The following DCLK1 variants were observed in gnomAD, a reference collection of about 807,000 sequenced individuals.
The protein encoded by DCLK1 is doublecortin like kinase 1, also known as serine/threonine-protein kinase DCLK1.
A neutral mutation model predicts 86.2 loss-of-function variants in DCLK1; 16 were observed. The ratio of observed to expected loss-of-function variants is 0.19; its 90% CI spans 0.13 to 0.28. The LOEUF is 0.28. Among genes scored for constraint, DCLK1 ranks in the 10% least tolerant of loss-of-function variants. The pLI is 1.00. For synonymous variants in DCLK1, 369 were observed against 370.5 expected (o/e 1.00, Z 0.05); for missense variants, 590 against 940.2 (o/e 0.63, Z 4.87).
intron 3 of DCLK1, among the ~76,000 whole-genome samples, chr13:35,985,708 G>C (rs1879870216): frequency 6.6e-6 from 1 of 152,230 alleles, no homozygotes; most frequent in Admixed American, 6.5e-5. Flanking sequence ...GCTCAGGAGA[G>C]ACTGGCTGGG....
intron 3 of DCLK1, among the ~76,000 whole-genome samples, chr13:36,070,671 G>A (rs939914279): frequency 2.7e-5 from 4 of 150,616 alleles, no homozygotes; most frequent in Admixed American, 6.6e-5. Flanking sequence ...ATGGAGTGTC[G>A]CTCTTTGTTG....
intron 6 of DCLK1, among the ~76,000 whole-genome samples, chr13:35,840,648 C>T (rs1315866154): frequency 2.0e-5 from 3 of 152,144 alleles, no homozygotes; most frequent in African/African-American, 7.2e-5. Context: ...GTGACTTGAG[C>T]TGTTTTTCTA....
At chr13:36,082,440 G>A (rs751094875) in intron 3 of DCLK1, among the ~76,000 whole-genome samples, 1 of 152,190 alleles carries the variant, frequency 6.6e-6, no homozygotes, top group Non-Finnish European at 1.5e-5. Flanking sequence ...TAGTAATTAA[G>A]TTTTGGAAGT....
intron 3 of DCLK1, among the ~76,000 whole-genome samples, chr13:36,103,404 TA>T (rs71084406): frequency 0.23 from 25,397 of 108,938 alleles, 2,483 homozygotes; most frequent in East Asian, 0.46. Flanking sequence ...ACACCTGTCT[TA>T]AAAAAAAAAA....
At chr13:36,009,815 C>A (rs1018500745) in intron 3 of DCLK1, among the ~76,000 whole-genome samples, 29 of 109,686 alleles carry the variant, frequency 2.6e-4, no homozygotes, top group African/African-American at 1.1e-3. Flanking sequence ...TTATCTTGGG[C>A]AGTATGGCCA....
chr13:35,966,715 G>T (rs923602268), intron 3 of DCLK1, among the ~76,000 whole-genome samples: 1 of 152,000 alleles, frequency 6.6e-6, no homozygotes, highest in Non-Finnish European at 1.5e-5. Context: ...CATGTTGGCC[G>T]GGCTGGTCTC....
chr13:35,792,722 C>T (rs760181760), intron 16 of DCLK1, among the ~76,000 whole-genome samples: 6 of 152,052 alleles, frequency 3.9e-5, no homozygotes, highest in Admixed American at 2.6e-4. Context: ...CCTAGAGCTG[C>T]GATCAAATTG....
intron 5 of DCLK1, among the ~76,000 whole-genome samples, chr13:35,867,963 A>AAGAAAGAAAGAAAGGG (rs796441369): frequency 1.5e-5 from 2 of 135,156 alleles, no homozygotes; most frequent in African/African-American, 5.4e-5. Flanking sequence ...GAAAGAAAGA[A>AAGAAAGAAAGAAAGGG]AGAGAAAAAG....
At chr13:36,089,021 C>CT (rs1023928784) in intron 3 of DCLK1, among the ~76,000 whole-genome samples, 4 of 152,172 alleles carry the variant, frequency 2.6e-5, no homozygotes, top group Non-Finnish European at 1.5e-5. Context: ...TTTATTCTAT[C>CT]TTTTTTTTAA....
chr13:35,914,332 AAT>A (rs1235635206), intron 4 of DCLK1, among the ~76,000 whole-genome samples: 4,681 of 73,858 alleles, frequency 0.063, 413 homozygotes, highest in African/African-American at 0.25. Flanking sequence ...AAAAAAAAAA[AAT>A]ATATATATAT....
chr13:35,847,831 A>G, intron 6 of DCLK1: 1 of 985,240 alleles, frequency 1.0e-6, no homozygotes, highest in African/African-American at 1.7e-5. Flanking sequence ...ATGTATACAG[A>G]TGAGAGAACC....
chr13:35,828,296 C>G lies in DCLK1; in HGVS notation c.1241G>C (p.Arg414Thr). ...CTTGATAATTTTCAGAGCATACTCT[C>G]TAGCAGTCGATCTGCGAAGAGAAAG... ...VKECVERSTA[R>T]EYALKIIKKS... is the part of the protein sequence containing the mutation. Residue 414 changes from arginine (R) to threonine (T), a missense_variant, in exon 9 of 17, where the codon AGA (arginine) becomes ACA (threonine). By Grantham distance (71) the Arg-to-Thr change is moderately conservative. Transcript: ENST00000360631. 6.2e-7 allele frequency: 1 copy of G among 1,607,616 alleles called. No individual in the cohort carries two copies. The highest frequency in any genetic ancestry group is 8.5e-7 in the Non-Finnish European group (1 of 1,178,892).
intron 3 of DCLK1, among the ~76,000 whole-genome samples, chr13:36,023,686 A>G (rs945339342): frequency 6.6e-6 from 1 of 152,168 alleles, no homozygotes; most frequent in Non-Finnish European, 1.5e-5. Flanking sequence ...GCATCTCAAT[A>G]TAAGTAGAAA....
At chr13:36,040,190 A>G (rs1318398125) in intron 3 of DCLK1, among the ~76,000 whole-genome samples, 2 of 151,578 alleles carry the variant, frequency 1.3e-5, no homozygotes, top group Non-Finnish European at 2.9e-5. Flanking sequence ...ATATTTTCTT[A>G]GTTTTCACTT....
chr13:36,099,031 G>A (rs1321644360), intron 3 of DCLK1, among the ~76,000 whole-genome samples: 4 of 151,310 alleles, frequency 2.6e-5, no homozygotes, highest in Admixed American at 6.6e-5. Flanking sequence ...GCAATGGCGC[G>A]ATCAAAGCTC....
chr13:35,811,476 G>A (rs1217653605), intron 11 of DCLK1, among the ~76,000 whole-genome samples: 1 of 152,076 alleles, frequency 6.6e-6, no homozygotes, highest in Non-Finnish European at 1.5e-5. Flanking sequence ...ATAATAAAAT[G>A]AAGTATAGAA....
chr13:36,108,881 G>A lies in DCLK1; in HGVS notation c.723+2988C>T, dbSNP rs553314804. On this transcript the variant is annotated intron_variant, in intron 3 of 16. Transcript: ENST00000360631. ...TGGACCCCGATGCCACCACAGGCAG[G>A]CCAAGATGGTAGCAGTGCAGGTGCC... Among the ~76,000 whole-genome samples, 7 of 152,290 alleles carry A rather than the reference G, an allele frequency of 4.6e-5. No individual in the cohort carries two copies. In the East Asian group the frequency reaches 9.7e-4, roughly 21 times the overall value.
At chr13:36,088,357 G>A (rs898537935) in intron 3 of DCLK1, among the ~76,000 whole-genome samples, 3 of 152,194 alleles carry the variant, frequency 2.0e-5, no homozygotes, top group South Asian at 2.1e-4. Context: ...TGAGCTGCCC[G>A]CTTTCAGTGC....
At chr13:36,125,400 C>T (rs917527210) in intron 2 of DCLK1, among the ~76,000 whole-genome samples, 14 of 152,108 alleles carry the variant, frequency 9.2e-5, no homozygotes, top group African/African-American at 3.4e-4. Flanking sequence ...AATTCAAGTA[C>T]TTTCGGATAT....
Sources: gnomAD v4.1 joint callset for allele counts (sites outside exome capture counted in the v4.1 genomes callset) on GRCh38, gnomAD v4.1.1 for gene constraint, MANE v1.5 for transcripts, NCBI Gene and HGNC (gene_info 2026-07-23, HGNC 2026-07-21) for gene names.